Variants in PGAP4 observed in about 807,000 individuals in gnomAD.
The protein encoded by PGAP4 is GPI-N-acetylgalactosamine transferase PGAP4.
PGAP4 carries 12 observed loss-of-function variants against 28.2 expected under a neutral mutation model. The observed-to-expected ratio is 0.42, with a 90% confidence interval of 0.27 to 0.69. The LOEUF is 0.69. Ranked by LOEUF, PGAP4 falls within the 30% of genes least tolerant of loss-of-function variation. PGAP4 has a pLI of 0.22. For missense variants in PGAP4, 425 were observed against 513.5 expected (o/e 0.83, Z 1.67); for synonymous variants, 205 against 211.8 (o/e 0.97, Z 0.28).
chr9:101,481,833 C>G (rs1049582947), intron 1 of PGAP4, among the ~76,000 whole-genome samples: 11 of 152,202 alleles, frequency 7.2e-5, no homozygotes, highest in Non-Finnish European at 1.3e-4. Context: ...CAGTCTAAAA[C>G]ACTAGTTAGT....
chr9:101,520,656 T>A (rs372706842), intron 2 of PGAP4, among the ~76,000 whole-genome samples: 1 of 152,158 alleles, frequency 6.6e-6, no homozygotes, highest in African/African-American at 2.4e-5. Flanking sequence ...GATCATATCG[T>A]CAGCAAACAG....
At chr9:101,520,807 G>C (rs1195697719) in intron 2 of PGAP4, among the ~76,000 whole-genome samples, 1 of 152,094 alleles carries the variant, frequency 6.6e-6, no homozygotes, top group Non-Finnish European at 1.5e-5. Context: ...GTTCTCAGAG[G>C]GAATGCTTTC....
intron 2 of PGAP4, among the ~76,000 whole-genome samples, chr9:101,526,334 T>C (rs1827035876): frequency 6.6e-6 from 1 of 152,256 alleles, no homozygotes; most frequent in South Asian, 2.1e-4. Flanking sequence ...GAAATGTCAA[T>C]GTAATGTCAA....
At chr9:101,481,835 C>T (rs1826496385) in intron 1 of PGAP4, among the ~76,000 whole-genome samples, 1 of 152,214 alleles carries the variant, frequency 6.6e-6, no homozygotes, top group South Asian at 2.1e-4. Flanking sequence ...GTCTAAAACA[C>T]TAGTTAGTTC....
upstream of PGAP4, among the ~76,000 whole-genome samples, chr9:101,488,372 A>T (rs566493830): frequency 2.0e-5 from 3 of 152,266 alleles, no homozygotes; most frequent in East Asian, 5.8e-4. Context: ...AAATTGGAGG[A>T]TTGTAACCAA....
At chr9:101,518,386 A>G (rs1826958832) in intron 2 of PGAP4, among the ~76,000 whole-genome samples, 1 of 152,134 alleles carries the variant, frequency 6.6e-6, no homozygotes, top group African/African-American at 2.4e-5. Flanking sequence ...TCACCCGAGC[A>G]GTATACACTG....
intron 2 of PGAP4, among the ~76,000 whole-genome samples, chr9:101,513,271 T>C (rs1826913396): frequency 6.6e-6 from 1 of 152,182 alleles, no homozygotes. Context: ...ACACTGGAAA[T>C]GGTGTTATGG....
intron 2 of PGAP4, among the ~76,000 whole-genome samples, chr9:101,506,137 T>C (rs886917301): frequency 9.9e-5 from 15 of 152,100 alleles, no homozygotes; most frequent in Admixed American, 9.2e-4. Flanking sequence ...AAACACAGGC[T>C]GCCTATTCTC....
upstream of PGAP4, among the ~76,000 whole-genome samples, chr9:101,491,006 A>G (rs534323431): frequency 2.6e-5 from 4 of 152,284 alleles, no homozygotes; most frequent in South Asian, 8.3e-4. Context: ...AGCTGGTGTC[A>G]TAACTGAGCC....
intron 2 of PGAP4, among the ~76,000 whole-genome samples, chr9:101,508,272 T>G (rs1410327353): frequency 6.6e-6 from 1 of 152,114 alleles, no homozygotes; most frequent in Non-Finnish European, 1.5e-5. Flanking sequence ...CAGAGCTTTG[T>G]GCACTTGCCC....
chr9:101,483,090 G>A (rs1826530701), intron 1 of PGAP4, among the ~76,000 whole-genome samples: 1 of 152,162 alleles, frequency 6.6e-6, no homozygotes, highest in South Asian at 2.1e-4. Context: ...TATGGTCCTT[G>A]ACTTACGATC....
At chr9:101,487,784 G>T (rs1310400718), upstream of PGAP4, among the ~76,000 whole-genome samples, 1 of 152,172 alleles carries the variant, frequency 6.6e-6, no homozygotes, top group East Asian at 1.9e-4. Context: ...GGTTAAAAAT[G>T]GAAGAATATT....
chr9:101,481,493 C>A (rs1271983043), intron 1 of PGAP4: 1 of 152,250 alleles, frequency 6.6e-6, no homozygotes, highest in East Asian at 1.9e-4. Flanking sequence ...CAATACATAT[C>A]CAGTTCTTAT....
intron 1 of PGAP4, among the ~76,000 whole-genome samples, chr9:101,482,016 C>T (rs1826504423): frequency 6.6e-6 from 1 of 152,210 alleles, no homozygotes; most frequent in Non-Finnish European, 1.5e-5. Flanking sequence ...AACAGAGCTT[C>T]TGACCTCCAG....
chr9:101,492,719 T>G (rs1003071428), intron 2 of PGAP4, among the ~76,000 whole-genome samples: 1 of 152,132 alleles, frequency 6.6e-6, no homozygotes, highest in Non-Finnish European at 1.5e-5. Flanking sequence ...CAGCTTCTGA[T>G]TTTTTAGACT....
intron 2 of PGAP4, among the ~76,000 whole-genome samples, chr9:101,494,553 T>C (rs377299059): frequency 2.0e-5 from 3 of 151,872 alleles, no homozygotes; most frequent in Non-Finnish European, 3.0e-5. Flanking sequence ...TTTTGTTTAA[T>C]CCTGATTAGT....
chr9:101,527,209 T>C (rs1162083166), intron 2 of PGAP4, among the ~76,000 whole-genome samples: 2 of 152,220 alleles, frequency 1.3e-5, no homozygotes, highest in Non-Finnish European at 2.9e-5. Context: ...GGCAGTCTCT[T>C]GAGAATTCAT....
intron 2 of PGAP4, among the ~76,000 whole-genome samples, chr9:101,515,880 G>T (rs184726426): frequency 6.6e-6 from 1 of 151,986 alleles, no homozygotes; most frequent in Non-Finnish European, 1.5e-5. Context: ...GCATAGTAGG[G>T]TGACTAGTTA....
At chr9:101,504,923 A>G (rs1017974941) in intron 2 of PGAP4, among the ~76,000 whole-genome samples, 3 of 152,086 alleles carry the variant, frequency 2.0e-5, no homozygotes, top group African/African-American at 7.2e-5. Flanking sequence ...GTCACCTACA[A>G]AAAGACTCCT....
Sources: gnomAD v4.1 joint callset for allele counts (sites outside exome capture counted in the v4.1 genomes callset) on GRCh38, gnomAD v4.1.1 for gene constraint, MANE v1.5 for transcripts, NCBI Gene and HGNC (gene_info 2026-07-23, HGNC 2026-07-21) for gene names.